The following TTC8 variants were observed in gnomAD, a reference collection of about 807,000 sequenced individuals.
TTC8 encodes the protein tetratricopeptide repeat protein 8.
In TTC8, 47 loss-of-function variants were observed where a neutral mutation model predicts 72.5. The ratio of observed to expected loss-of-function variants is 0.65; its 90% CI spans 0.51 to 0.83. TTC8 has a LOEUF of 0.83. Among genes scored for constraint, TTC8 ranks in the 40% least tolerant of loss-of-function variants. The pLI, the probability that TTC8 is intolerant of heterozygous loss-of-function variation, is 0.00. For missense variants in TTC8, 611 were observed against 623.2 expected, an observed-to-expected ratio of 0.98 and a Z score of 0.21; for synonymous variants, 199 against 221.4, an observed-to-expected ratio of 0.90 and a Z score of 0.90.
At chr14:88,825,917 A>G (rs1438590504) in intron 1 of TTC8, among the ~76,000 whole-genome samples, 9 of 152,208 alleles carry the variant, frequency 5.9e-5, no homozygotes, top group African/African-American at 9.6e-5. Flanking sequence ...GTTAGTTCAC[A>G]TTAATTAATA....
At chr14:88,846,500 G>A (rs951064272) in intron 7 of TTC8, 1 of 601,492 alleles carries the variant, frequency 1.7e-6, no homozygotes, top group African/African-American at 1.9e-5. Context: ...GTGGCTGAGT[G>A]AGGCCTGTGA....
chr14:88,853,080 G>A (rs2094840527), intron 8 of TTC8, 24 bp downstream of exon 8: 1 of 1,571,896 alleles, frequency 6.4e-7, no homozygotes, highest in South Asian at 1.1e-5. Context: ...TTTGTGAAGG[G>A]CTTAGAAGTG....
intron 8 of TTC8, among the ~76,000 whole-genome samples, chr14:88,855,098 T>C (rs998115994): frequency 6.6e-6 from 1 of 152,196 alleles, no homozygotes; most frequent in African/African-American, 2.4e-5. Flanking sequence ...ATTTTGGAAA[T>C]GTCGCTCTTC....
At chr14:88,856,334 T>C (rs1207126519) in intron 8 of TTC8, among the ~76,000 whole-genome samples, 1 of 152,210 alleles carries the variant, frequency 6.6e-6, no homozygotes, top group Non-Finnish European at 1.5e-5. Flanking sequence ...TGAAAAATGA[T>C]CAAAGGTCTT....
chr14:88,867,651 A>G (rs2094916906), intron 10 of TTC8, among the ~76,000 whole-genome samples: 1 of 152,230 alleles, frequency 6.6e-6, no homozygotes. Flanking sequence ...AACTTAATTG[A>G]AAACCTACAT....
intron 7 of TTC8, among the ~76,000 whole-genome samples, chr14:88,845,027 A>C (rs1215025463): frequency 6.6e-6 from 1 of 152,188 alleles, no homozygotes; most frequent in Non-Finnish European, 1.5e-5. Context: ...ACCAAGTAGG[A>C]AAGGGAAAAA....
rs2094936057 is a variant in TTC8, at chr14:88,871,950, G to A, written c.1224+227G>A. Reference sequence around the variant, plus strand: ...ATCTGTAGTCCCAGCTACTCTGAGGGCTGAGGCAGGAAGATCACTTGGGCC... The same window carrying A: ...ATCTGTAGTCCCAGCTACTCTGAGGACTGAGGCAGGAAGATCACTTGGGCC... On this transcript the variant is annotated intron_variant, in intron 12 of 14. Coordinates refer to ENST00000380656, the MANE Select transcript of TTC8 (RefSeq NM_144596.4). This position sits in a 1 kb window ranked among gnomAD's most constrained non-coding sequence, Gnocchi z 4.1. 6.6e-6 allele frequency among the ~76,000 whole-genome samples: 1 copy of A among 152,130 alleles called. No individual in the cohort carries two copies. The highest frequency in any genetic ancestry group is 2.4e-5 in the African/African-American group (1 of 41,436).
At chr14:88,879,353 T>C (rs2094966992), downstream of TTC8, 2 of 152,198 alleles carry the variant, frequency 1.3e-5, no homozygotes, top group South Asian at 4.1e-4. Context: ...TTTTCCAGTT[T>C]TCCACTGTGG....
Position 88,841,436 on chromosome 14 carries a change from T to TA in TTC8, c.502dup (p.Thr168AsnfsTer4), listed in dbSNP as rs1165720198. The TA allele has an allele frequency of 6.2e-7, 1 of 1,613,680 alleles. No homozygotes were observed. The highest frequency in any genetic ancestry group is 8.5e-7 in the Non-Finnish European group (1 of 1,179,852). On this transcript the variant is annotated frameshift_variant, in exon 6 of 15. Transcript: ENST00000380656. LOFTEE classifies it high-confidence loss of function. ...TTTTTCCTCTGTAGGCTTCCATGCT[T>TA]ACAAGTCCTGATGGACCATTTATAA... is the stretch of plus-strand genomic sequence containing the variant.
At chr14:88,873,720 T>C (rs2094945167) in intron 13 of TTC8, among the ~76,000 whole-genome samples, 1 of 152,184 alleles carries the variant, frequency 6.6e-6, no homozygotes, top group Non-Finnish European at 1.5e-5. Context: ...ATTGTATTAT[T>C]ATAATGATAT....
intron 2 of TTC8, among the ~76,000 whole-genome samples, chr14:88,836,616 C>A (rs533601279): frequency 2.9e-4 from 44 of 151,988 alleles, no homozygotes; most frequent in African/African-American, 1.0e-3. Flanking sequence ...ATTTCTAACT[C>A]TTTAATATTT....
intron 1 of TTC8, among the ~76,000 whole-genome samples, chr14:88,829,445 A>G (rs1055148590): frequency 4.6e-5 from 7 of 152,212 alleles, no homozygotes; most frequent in Non-Finnish European, 7.3e-5. Context: ...TTTGTGTTCC[A>G]TATGTCAGAT....
intron 10 of TTC8, among the ~76,000 whole-genome samples, chr14:88,869,303 T>C (rs564179818): frequency 6.6e-6 from 1 of 152,314 alleles, no homozygotes; most frequent in East Asian, 1.9e-4. Context: ...ATAATAACTG[T>C]AGAAGGTTTA....
At chr14:88,846,708 T>C in intron 7 of TTC8, 1 of 1,158,740 alleles carries the variant, frequency 8.6e-7, no homozygotes, top group Non-Finnish European at 1.2e-6. Context: ...CTGCACTTAA[T>C]ATTCTAAAGA....
At chr14:88,864,100 C>T (rs536576572) in intron 10 of TTC8, among the ~76,000 whole-genome samples, 2 of 152,220 alleles carry the variant, frequency 1.3e-5, no homozygotes, top group African/African-American at 4.8e-5. Context: ...ATATTAATAG[C>T]TTCTATACCT....
chr14:88,863,947 A>G (rs9671813), intron 10 of TTC8, among the ~76,000 whole-genome samples: 56,587 of 151,966 alleles, frequency 0.37, 10,756 homozygotes, highest in African/African-American at 0.4. Flanking sequence ...CTTCCTTTCA[A>G]TTATTTTACC....
chr14:88,867,137 G>C (rs968181131), intron 10 of TTC8, among the ~76,000 whole-genome samples: 2 of 152,102 alleles, frequency 1.3e-5, no homozygotes, highest in African/African-American at 4.8e-5. Context: ...AATTATTGAT[G>C]ATATTTTAAA....
rs141446209 is a variant in TTC8, at chr14:88,847,212, A to G, written c.624+3362A>G. Among the ~76,000 whole-genome samples, 110 of 152,352 alleles carry G rather than the reference A, an allele frequency of 7.2e-4. 1 individual carries two copies. In the East Asian group the frequency reaches 0.018, roughly 24 times the overall value. On this transcript the variant is annotated intron_variant, in intron 7 of 14. Transcript: ENST00000380656. ...ATACTGCCTTAGAATATAGTAGTTT[A>G]AAAACCAATGGTTAATAGACGGGTG...
intron 10 of TTC8, among the ~76,000 whole-genome samples, chr14:88,864,833 G>C (rs570322939): frequency 6.6e-6 from 1 of 152,148 alleles, no homozygotes; most frequent in Non-Finnish European, 1.5e-5. Flanking sequence ...CTCTTCATGT[G>C]ACAATAGATG....
Sources: allele counts gnomAD v4.1 joint callset (sites outside exome capture counted in the v4.1 genomes callset), GRCh38; gene constraint gnomAD v4.1.1; non-coding constraint Gnocchi (gnomAD v3.1); transcripts MANE v1.5; gene names NCBI Gene and HGNC (gene_info 2026-07-23, HGNC 2026-07-21).